Variants in LDB3 observed in about 807,000 individuals in gnomAD.
LDB3 encodes LIM domain binding 3.
In LDB3, 49 loss-of-function variants were observed where a neutral mutation model predicts 69.0. The observed-to-expected ratio is 0.71, with a 90% confidence interval of 0.56 to 0.90. LDB3 has a LOEUF of 0.90. Ranked by LOEUF, LDB3 falls within the 40% of genes least tolerant of loss-of-function variation. The pLI is 0.00. For synonymous variants in LDB3, 387 were observed against 396.2 expected (o/e 0.98, Z 0.28); for missense variants, 928 against 974.1 (o/e 0.95, Z 0.63).
chr10:86,706,461 C>T, intron 7 of LDB3, 70 bp from the exon 8 acceptor site: 1 of 1,540,720 alleles, frequency 6.5e-7, no homozygotes, highest in South Asian at 1.1e-5. Flanking sequence ...CCACCTGCCC[C>T]CATGCAGAGG....
intron 4 of LDB3, 105 bp downstream of exon 4, chr10:86,680,262 TG>T (rs1845039659): frequency 9.8e-7 from 1 of 1,017,584 alleles, no homozygotes; most frequent in Non-Finnish European, 1.5e-6. Context: ...GATGAGGCCG[TG>T]GGATCAGCCC....
intron 8 of LDB3, among the ~76,000 whole-genome samples, chr10:86,708,080 G>C (rs1320083181): frequency 1.3e-5 from 2 of 152,258 alleles, no homozygotes; most frequent in South Asian, 2.1e-4. Context: ...CCTGCTCAAA[G>C]GCAGGCACCA....
At chr10:86,694,860 C>G (rs569591844) in intron 7 of LDB3, among the ~76,000 whole-genome samples, 146 of 152,286 alleles carry the variant, frequency 9.6e-4, no homozygotes, top group Non-Finnish European at 6.5e-4. Context: ...TCCTCAGAGG[C>G]CTGAGCCACA....
At position 86,679,445 on chromosome 10, in the gene LDB3, G is replaced by A. The variant is rs730880127; in HGVS notation, c.172G>A (p.Asp58Asn). 6 of 1,614,042 alleles carry A rather than the reference G, an allele frequency of 3.7e-6. No individual in the cohort carries two copies. Among genetic ancestry groups the A allele is most frequent in the Non-Finnish European group, 5.1e-6 (6 of 1,180,040 alleles). ...LVVAIDGVNT[D>N]TMTHLEAQNK... ...GGTGGCCATTGACGGCGTCAACACA[G>A]ACACCATGACCCACCTGGAAGCCCA... The change falls in exon 3 of 14, where the codon GAC becomes AAC. Residue 58 changes from aspartate (D) to asparagine (N), a missense_variant. Physicochemically the swap from Asp to Asn is conservative, Grantham distance 23. Coordinates refer to ENST00000361373, the MANE Select transcript of LDB3 (RefSeq NM_007078.3).
chr10:86,666,836 C>G, upstream of LDB3: 1 of 469,922 alleles, frequency 2.1e-6, no homozygotes, highest in South Asian at 1.6e-5. Flanking sequence ...AGAGAGACAG[C>G]GTGCAGCTCC....
At chr10:86,714,650 G>A (rs12217487) in intron 9 of LDB3, among the ~76,000 whole-genome samples, 3,261 of 151,408 alleles carry the variant, frequency 0.022, 57 homozygotes, top group South Asian at 0.074. Context: ...CCGCCTCCTG[G>A]GTTCACGCCA....
chr10:86,732,752 C>A lies in LDB3; in HGVS notation c.2095-135C>A, dbSNP rs571246810. 93 of 680,050 alleles carry A rather than the reference C, an allele frequency of 1.4e-4. No individual in the cohort carries two copies. The African/African-American group carries it at 1.5e-3, about 11-fold the overall frequency. 42.1% of individuals were successfully genotyped at this position (680,050 alleles called of 1,614,324 possible). On this transcript the variant is annotated intron_variant, in intron 13 of 13. Transcript: ENST00000361373. ...CTCCTGACCTCAAGTGATCTGCCTG[C>A]CTTGGCCTTCCAAAGTGCTGGGATT...
At chr10:86,709,812 A>T in intron 8 of LDB3, 93 bp from the exon 9 acceptor site, 1 of 1,388,738 alleles carries the variant, frequency 7.2e-7, no homozygotes, top group Non-Finnish European at 1.0e-6. Context: ...GTCCTCACAG[A>T]GGCTTCTGAA....
intron 2 of LDB3, among the ~76,000 whole-genome samples, chr10:86,672,738 A>G (rs935790519): frequency 2.0e-5 from 3 of 152,210 alleles, no homozygotes; most frequent in African/African-American, 7.2e-5. Context: ...TCAGAACTGC[A>G]TCTAACTCTG....
intron 6 of LDB3, 29 bp from the exon 7 acceptor site, chr10:86,692,506 T>C: frequency 6.2e-7 from 1 of 1,613,160 alleles, no homozygotes; most frequent in Non-Finnish European, 8.5e-7. Flanking sequence ...CTCCCGTGAG[T>C]CCCCTGACCA....
intron 13 of LDB3, chr10:86,726,590 T>C: frequency 2.5e-6 from 1 of 392,252 alleles, no homozygotes; most frequent in East Asian, 6.0e-5. Context: ...GGCAGTTGGC[T>C]TCCCATGGTT....
intron 2 of LDB3, 39 bp from the exon 3 acceptor site, chr10:86,679,328 C>A: frequency 6.2e-7 from 1 of 1,613,842 alleles, no homozygotes; most frequent in Non-Finnish European, 8.5e-7. Flanking sequence ...TCAGGACCAC[C>A]TTCCTTATGC....
In LDB3 at chr10:86,711,796, G is replaced by T. The variant is rs372654153; in HGVS notation, c.1231+1746G>T. Among the ~76,000 whole-genome samples the T allele has an allele frequency of 4.7e-5, 7 of 149,674 alleles. No homozygotes were observed. The East Asian group carries it at 7.8e-4, about 17-fold the overall frequency. ...GCGGCGGCGCGGAGACCCTGCGCGC[G>T]GGCCGGGGACGGTCACGTTGGCCCG... On this transcript the variant is annotated intron_variant, in intron 9 of 13. Coordinates refer to ENST00000361373, the MANE Select transcript of LDB3 (RefSeq NM_007078.3).
At chr10:86,697,549 C>CTTTTTTTTTTTTTTTTTTTTTT (rs71019409) in intron 7 of LDB3, among the ~76,000 whole-genome samples, 3 of 83,940 alleles carry the variant, frequency 3.6e-5, no homozygotes, top group Non-Finnish European at 6.3e-5. Flanking sequence ...TTCTTTCTTT[C>CTTTTTTTTTTTTTTTTTTTTTT]TTTTTTTTTT....
intron 7 of LDB3, among the ~76,000 whole-genome samples, chr10:86,701,253 G>A (rs368669627): frequency 1.5e-3 from 225 of 152,342 alleles, no homozygotes; most frequent in African/African-American, 4.9e-3. Flanking sequence ...CCCAAGGGTG[G>A]GTTGGGGGCA....
At chr10:86,682,984 G>A (rs1845249303) in intron 5 of LDB3, among the ~76,000 whole-genome samples, 1 of 150,104 alleles carries the variant, frequency 6.7e-6, no homozygotes. Flanking sequence ...GCTGATTTCT[G>A]GCACCACATG....
chr10:86,724,582 G>A (rs2132500263), intron 12 of LDB3, among the ~76,000 whole-genome samples: 1 of 151,378 alleles, frequency 6.6e-6, no homozygotes. Flanking sequence ...CCATCCTGGT[G>A]ACAGAGTGAG....
chr10:86,699,221 T>TTCTGTC lies in LDB3; in HGVS notation c.896+6662_896+6667dup, dbSNP rs1846143638. On this transcript the variant is annotated intron_variant, in intron 7 of 13. Coordinates refer to ENST00000361373, the MANE Select transcript of LDB3 (RefSeq NM_007078.3). The surrounding 1 kb of genome is among the most constrained non-coding windows in gnomAD (Gnocchi z 4.9). ...TTCATTCTCCCTCTCTTCTCTCTCTTTCTGTCTCTGTCTCTGTTTCTCTCT... is the reference window on the plus strand; with the variant it reads ...TTCATTCTCCCTCTCTTCTCTCTCTTTCTGTCTCTGTCTCTGTCTCTGTTTCTCTCT... 2 of 1,577,302 alleles carry TTCTGTC rather than the reference T, an allele frequency of 1.3e-6. No homozygotes were observed. The highest frequency in any genetic ancestry group is 1.1e-5 in the South Asian group (1 of 90,072).
At chr10:86,703,927 A>G (rs1299882094) in intron 7 of LDB3, among the ~76,000 whole-genome samples, 1 of 152,154 alleles carries the variant, frequency 6.6e-6, no homozygotes, top group Admixed American at 6.5e-5. Flanking sequence ...CAGTCTGGCC[A>G]ACATGGTGAA....
Sources: allele counts gnomAD v4.1 joint callset (sites outside exome capture counted in the v4.1 genomes callset), GRCh38; gene constraint gnomAD v4.1.1; non-coding constraint Gnocchi (gnomAD v3.1); transcripts MANE v1.5; gene names NCBI Gene and HGNC (gene_info 2026-07-23, HGNC 2026-07-21).